CCDC194: variants seen among roughly 807,000 people sequenced by gnomAD.
CCDC194 encodes coiled-coil domain containing 194.
A neutral mutation model predicts 4.9 loss-of-function variants in CCDC194; 8 were observed. The ratio of observed to expected loss-of-function variants is 1.65; its 90% CI spans 0.97 to 2.97. CCDC194 has a LOEUF of 2.97. Among genes scored for constraint, CCDC194 ranks in the 30% most tolerant of loss-of-function variants. The probability of loss-of-function intolerance (pLI) is 0.00; values close to 1 mark genes in which losing one functional copy is unlikely to be tolerated. For missense variants in CCDC194, 52 were observed against 43.1 expected, an observed-to-expected ratio of 1.21 and a Z score of -0.58; for synonymous variants, 13 against 17.0, an observed-to-expected ratio of 0.76 and a Z score of 0.58.
At chr19:17,393,422 T>C (rs1256661138) in intron 1 of CCDC194, among the ~76,000 whole-genome samples, 1 of 144,684 alleles carries the variant, frequency 6.9e-6, no homozygotes. Flanking sequence ...GGAGTCTCGC[T>C]GTGTCACCCA....
intron 2 of CCDC194, 102 bp downstream of exon 2, chr19:17,391,648 G>A (rs1473290692): frequency 7.2e-6 from 11 of 1,533,858 alleles, no homozygotes; most frequent in African/African-American, 1.4e-5. Context: ...TTATATCCGT[G>A]TTATTTGCAT....
At chr19:17,392,975 C>T in intron 1 of CCDC194, among the ~76,000 whole-genome samples, 1 of 152,312 alleles carries the variant, frequency 6.6e-6, no homozygotes, top group East Asian at 1.9e-4. Flanking sequence ...AGCCACTGCG[C>T]CCGGCCCCAT....
intron 2 of CCDC194, 198 bp from the exon 3 acceptor site, chr19:17,391,541 T>C (rs2074654757): frequency 8.1e-7 from 1 of 1,240,080 alleles, no homozygotes; most frequent in East Asian, 2.5e-5. Flanking sequence ...GTGAGTCGTT[T>C]ACAAGGAGTT....
intron 1 of CCDC194, 52 bp downstream of exon 1, chr19:17,393,783 C>T (rs945087977): frequency 1.7e-4 from 67 of 393,466 alleles, no homozygotes; most frequent in Non-Finnish European, 2.6e-4. Flanking sequence ...CAGGCCGTCT[C>T]TTATCTCAAC....
downstream of CCDC194, chr19:17,390,428 G>A: frequency 2.6e-6 from 1 of 382,400 alleles, no homozygotes. The surrounding 1 kb of genome is among the most constrained non-coding windows in gnomAD (Gnocchi z 5.5). Context: ...CCAGCGTGGG[G>A]GTGCCTCTAT....
intron 1 of CCDC194, 146 bp from the exon 2 acceptor site, chr19:17,391,992 T>A: frequency 1.3e-6 from 1 of 745,264 alleles, no homozygotes; most frequent in Non-Finnish European, 2.0e-6. Flanking sequence ...CTTGTAGTTG[T>A]AAAATACAGA....
At chr19:17,388,048 G>A (rs943748798), downstream of CCDC194, among the ~76,000 whole-genome samples, 2 of 151,218 alleles carry the variant, frequency 1.3e-5, no homozygotes, top group Non-Finnish European at 3.0e-5. Context: ...CACCATGCCC[G>A]GCTAATTTTT....
At chr19:17,391,805 C>T in exon 2 of CCDC194, 1 of 1,535,478 alleles carries the variant, frequency 6.5e-7, no homozygotes. Context: ...TGGCTTCGTC[C>T]ATCTCAATCT....
intron 1 of CCDC194, 103 bp downstream of exon 1, chr19:17,393,732 G>C (rs909168671): frequency 2.6e-6 from 1 of 390,404 alleles, no homozygotes; most frequent in Non-Finnish European, 4.5e-6. Context: ...GAGGAACTGG[G>C]GAAACCGAGG....
At chr19:17,392,116 G>A (rs922740697) in intron 1 of CCDC194, 9 of 327,900 alleles carry the variant, frequency 2.7e-5, no homozygotes, top group Admixed American at 9.5e-5. Context: ...AGAGTGCTGA[G>A]CTCTGCGGTC....
downstream of CCDC194, among the ~76,000 whole-genome samples, chr19:17,387,667 G>C (rs188057098): frequency 1.6e-3 from 243 of 152,034 alleles, 1 homozygote; most frequent in African/African-American, 5.3e-3. Context: ...GCAGTGAGCT[G>C]AGACTGCGCC....
intron 1 of CCDC194, among the ~76,000 whole-genome samples, chr19:17,392,764 G>A (rs1285515181): frequency 4.6e-5 from 7 of 152,312 alleles, no homozygotes; most frequent in East Asian, 3.9e-4. Context: ...TTGCTCTGTC[G>A]CCCAGGCGGG....
chr19:17,390,439 A>C, downstream of CCDC194: 1 of 339,698 alleles, frequency 2.9e-6, no homozygotes, highest in African/African-American at 2.7e-5. This position sits in a 1 kb window ranked among gnomAD's most constrained non-coding sequence, Gnocchi z 5.5. Flanking sequence ...GTGCCTCTAT[A>C]CACGTCCCCG....
rs1364810728 is a variant in CCDC194 at position 17,391,722 on chromosome 19, C to CT, written c.421+27dup. ...ACCTAGGCTCCTCCCACTTCTATCC[C>CT]TGCCCACTCCCTTACACCCCAACGC... is the stretch of plus-strand genomic sequence containing the variant. On this transcript the variant is annotated intron_variant, in intron 2 of 3. Coordinates refer to ENST00000636079, the Ensembl canonical transcript of CCDC194. 20 of 1,535,718 alleles carry CT rather than the reference C, an allele frequency of 1.3e-5. No homozygotes were observed. In the South Asian group the frequency reaches 2.1e-4, roughly 16 times the overall value.
downstream of CCDC194, among the ~76,000 whole-genome samples, chr19:17,389,739 C>T (rs1257540564): frequency 3.9e-5 from 6 of 152,152 alleles, no homozygotes; most frequent in Middle Eastern, 3.4e-3. Flanking sequence ...GCCGGGTGGG[C>T]GGATCACCTA....
chr19:17,389,479 T>G (rs545768558), downstream of CCDC194, among the ~76,000 whole-genome samples: 1 of 152,156 alleles, frequency 6.6e-6, no homozygotes, highest in East Asian at 1.9e-4. Context: ...CTTGTGTAAT[T>G]GCATTGGCTT....
chr19:17,390,708 A>G lies in CCDC194; in HGVS notation c.555-49T>C. The G allele has an allele frequency of 2.5e-6, 1 of 395,766 alleles. No individual in the cohort carries two copies. The allele number at this position is 395,766 out of a possible 1,614,324, so 24.5% of individuals were successfully genotyped here. ...TGTCAGCCTCTGGACCCCTGTCCCC[A>G]GACATCGCCAGCCCTCATCCGCCAG... On this transcript the variant is annotated intron_variant, in intron 3 of 3. Transcript: ENST00000636079. This position sits in a 1 kb window ranked among gnomAD's most constrained non-coding sequence, Gnocchi z 5.5.
At chr19:17,393,987 G>C (rs2074664841) in exon 1 of CCDC194, 1 of 392,906 alleles carries the variant, frequency 2.5e-6, no homozygotes, top group African/African-American at 2.1e-5. Flanking sequence ...TCCCCGGGCG[G>C]CGCCGTGGCA....
downstream of CCDC194, among the ~76,000 whole-genome samples, chr19:17,387,254 T>C (rs1459473398): frequency 6.6e-6 from 1 of 152,056 alleles, no homozygotes; most frequent in Non-Finnish European, 1.5e-5. Context: ...ATGTGCATGG[T>C]TTTTAAAAAT....
Sources: gnomAD v4.1 joint callset for allele counts (sites outside exome capture counted in the v4.1 genomes callset) on GRCh38, gnomAD v4.1.1 for gene constraint, Gnocchi (gnomAD v3.1) non-coding constraint, MANE v1.5 for transcripts, NCBI Gene and HGNC (gene_info 2026-07-23, HGNC 2026-07-21) for gene names.